TRIM75: variants seen among roughly 807,000 people sequenced by gnomAD.
TRIM75 encodes the protein tripartite motif-containing protein 75.
the TRIM75 span, among the ~76,000 whole-genome samples, chr4:165,057,273 G>C: frequency 6.6e-6 from 1 of 151,978 alleles, no homozygotes; most frequent in Admixed American, 6.6e-5. Flanking sequence ...ATTTTGGGAG[G>C]GTGAGACAGG....
At chr4:165,058,061 A>G in the TRIM75 span, among the ~76,000 whole-genome samples, 1 of 152,194 alleles carries the variant, frequency 6.6e-6, no homozygotes, top group Non-Finnish European at 1.5e-5. Context: ...GTTGGGTTTC[A>G]TTTCACAAAT....
the TRIM75 span, chr4:165,059,588 C>G: frequency 3.8e-6 from 3 of 780,892 alleles, no homozygotes; most frequent in South Asian, 4.0e-5. Flanking sequence ...TCTGCAGTTA[C>G]ATCCAGCCCC....
chr4:165,055,809 G>A, the TRIM75 span, among the ~76,000 whole-genome samples: 11 of 152,250 alleles, frequency 7.2e-5, no homozygotes, highest in East Asian at 3.9e-4. Context: ...TATGCTAGGC[G>A]TGGTGGTTCA....
the TRIM75 span, chr4:165,060,192 C>A: frequency 2.6e-6 from 2 of 780,890 alleles, no homozygotes; most frequent in Non-Finnish European, 4.8e-6. Flanking sequence ...TTCTGGCAGG[C>A]ATTTCTGGGA....
At chr4:165,060,374 A>C in the TRIM75 span, 1 of 780,926 alleles carries the variant, frequency 1.3e-6, no homozygotes, top group Non-Finnish European at 2.4e-6. Context: ...TAGAGGTGAA[A>C]GCCAGGGCCA....
the TRIM75 span, chr4:165,059,241 G>T: frequency 1.3e-6 from 1 of 780,368 alleles, no homozygotes; most frequent in East Asian, 2.4e-5. Flanking sequence ...CATCGAATGT[G>T]GGCACAACTT....
chr4:165,054,266 ATTT>A, the TRIM75 span, among the ~76,000 whole-genome samples: 3,045 of 96,858 alleles, frequency 0.031, 120 homozygotes, highest in African/African-American at 0.11. Context: ...TAATTTGTGT[ATTT>A]TTTTTTTTTT....
At chr4:165,060,196 T>G in the TRIM75 span, 1 of 780,822 alleles carries the variant, frequency 1.3e-6, no homozygotes, top group Admixed American at 1.7e-5. Context: ...GGCAGGCATT[T>G]CTGGGAGATT....
At chr4:165,059,226 G>A in the TRIM75 span, 50 of 780,118 alleles carry the variant, frequency 6.4e-5, no homozygotes, top group African/African-American at 5.4e-4. Flanking sequence ...GAGTGACCCC[G>A]TCACCATCGA....
the TRIM75 span, chr4:165,059,200 T>TCTGTCTGGATTAC: frequency 1.3e-6 from 1 of 780,194 alleles, no homozygotes; most frequent in Non-Finnish European, 2.4e-6. Flanking sequence ...AAGTGCTCCA[T>TCTGTCTGGATTAC]CTGTCTGGAT....
chr4:165,056,410 C>T, the TRIM75 span, among the ~76,000 whole-genome samples: 2 of 151,750 alleles, frequency 1.3e-5, no homozygotes, highest in African/African-American at 4.8e-5. Context: ...TCAGGACTGT[C>T]CCTTCACTAG....
At chr4:165,059,077 C>G in the TRIM75 span, 5 of 661,362 alleles carry the variant, frequency 7.6e-6, no homozygotes, top group East Asian at 1.3e-4. Context: ...CTGCTTCTCA[C>G]TGAAGAGTAC....
chr4:165,060,552 T>C, the TRIM75 span: 1 of 742,328 alleles, frequency 1.3e-6, no homozygotes, highest in East Asian at 2.5e-5. Flanking sequence ...AGTTTGTGAA[T>C]GAAAACCCAC....
the TRIM75 span, among the ~76,000 whole-genome samples, chr4:165,057,149 A>C: frequency 6.6e-6 from 1 of 152,208 alleles, no homozygotes; most frequent in African/African-American, 2.4e-5. Context: ...AATATAGTTT[A>C]TTCTGCCAAT....
the TRIM75 span, among the ~76,000 whole-genome samples, chr4:165,054,274 T>C: frequency 6.7e-6 from 1 of 148,156 alleles, no homozygotes; most frequent in Admixed American, 6.8e-5. Context: ...GTATTTTTTT[T>C]TTTTTTTTTT....
chr4:165,059,629 T>G, the TRIM75 span: 1 of 780,844 alleles, frequency 1.3e-6, no homozygotes, highest in Non-Finnish European at 2.4e-6. Context: ...CTCCAAAAAT[T>G]AATAAGCACT....
the TRIM75 span, among the ~76,000 whole-genome samples, chr4:165,054,799 A>C: frequency 6.6e-5 from 10 of 152,180 alleles, no homozygotes; most frequent in Admixed American, 2.0e-4. Flanking sequence ...AAAAAAAGTT[A>C]AGCTGAGAGC....
the TRIM75 span, among the ~76,000 whole-genome samples, chr4:165,058,351 TTTA>T: frequency 1.3e-5 from 2 of 152,052 alleles, no homozygotes; most frequent in Non-Finnish European, 2.9e-5. Flanking sequence ...TTTTTATTTT[TTTA>T]TTTTTTTATT....
chr4:165,059,348 C>G, the TRIM75 span: 22 of 780,398 alleles, frequency 2.8e-5, no homozygotes, highest in South Asian at 2.4e-4. Flanking sequence ...ACTTCAGGAG[C>G]AACACCCAGC....
Sources: allele counts gnomAD v4.1 joint callset (sites outside exome capture counted in the v4.1 genomes callset), GRCh38; gene constraint gnomAD v4.1.1; transcripts MANE v1.5; gene names NCBI Gene and HGNC (gene_info 2026-07-23, HGNC 2026-07-21).